SEC24D: variants seen among roughly 807,000 people sequenced by gnomAD.
The protein encoded by SEC24D is SEC24 homolog D, COPII component, also known as protein transport protein Sec24D.
A neutral mutation model predicts 116.9 loss-of-function variants in SEC24D; 69 were observed. That is an observed-to-expected ratio of 0.59 (90% confidence interval 0.49 to 0.72). The LOEUF is 0.72. SEC24D is among the 30% of genes least tolerant of loss of function. The pLI, the probability that SEC24D is intolerant of heterozygous loss-of-function variation, is 0.00. For synonymous variants in SEC24D, 405 were observed against 442.8 expected (o/e 0.91, Z 1.07); for missense variants, 1,131 against 1,264.1 (o/e 0.89, Z 1.60).
Position 118,747,508 on chromosome 4 carries a change from C to T in SEC24D, c.1708-2448G>A, listed in dbSNP as rs551065865. ...CTCGAACTCCCAACCTCAGGTGATC[C>T]GCCCACCTTGGCCTCCCAAAGTGCT... On this transcript the variant is annotated intron_variant, in intron 13 of 22. Coordinates refer to ENST00000280551, the MANE Select transcript of SEC24D (RefSeq NM_014822.4). Among the ~76,000 whole-genome samples, 441 of 152,134 alleles carry T rather than the reference C, an allele frequency of 2.9e-3. 1 individual carries two copies. Among genetic ancestry groups the T allele is most frequent in the African/African-American group, 6.6e-3 (276 of 41,518 alleles).
intron 6 of SEC24D, among the ~76,000 whole-genome samples, chr4:118,808,311 A>G (rs1729760291): frequency 6.6e-6 from 1 of 152,188 alleles, no homozygotes; most frequent in African/African-American, 2.4e-5. Flanking sequence ...TCAACCAACA[A>G]AGAGTCAAAT....
chr4:118,741,368 T>G (rs1726215159), intron 15 of SEC24D, among the ~76,000 whole-genome samples: 1 of 152,152 alleles, frequency 6.6e-6, no homozygotes, highest in Admixed American at 6.5e-5. Flanking sequence ...ACCCAATGTA[T>G]AATACCCGTT....
rs1411265754 is a variant in SEC24D at position 118,833,626 on chromosome 4, G to T, written c.71C>A (p.Pro24His). 1.2e-6 allele frequency: 2 copies of T among 1,614,060 alleles called. No homozygotes were observed. Among genetic ancestry groups the T allele is most frequent in the African/African-American group, 2.7e-5 (2 of 75,052 alleles). Residue 24 changes from proline to histidine, a missense_variant, in exon 2 of 23, where the codon CCT becomes CAT. Coordinates refer to ENST00000280551, the MANE Select transcript of SEC24D (RefSeq NM_014822.4). ...QPQPGIGLSP[P>H]HYGHYGDPSH... ...CGGATCCCCATAGTGCCCATAATGA[G>T]GTGGAGAAAGGCCTATTCCAGGCTG...
At chr4:118,802,266 A>G (rs1203377894) in intron 7 of SEC24D, among the ~76,000 whole-genome samples, 4 of 152,222 alleles carry the variant, frequency 2.6e-5, no homozygotes, top group Non-Finnish European at 5.9e-5. Context: ...CCAAAGGCAA[A>G]GGAATAATAT....
chr4:118,731,341 G>A lies in SEC24D; in HGVS notation c.2843C>T (p.Ser948Phe). ...CATATCTGTGTTGATATGTGCAAAA[G>A]ATGGCACATTAAATATTCCTTGGAT... ...ELIQGIFNVP[S>F]FAHINTDMTL... The change falls in exon 21 of 23, where the codon TCT (serine) becomes TTT (phenylalanine). Residue 948 changes from serine to phenylalanine, a missense_variant. Coordinates refer to ENST00000280551, the MANE Select transcript of SEC24D (RefSeq NM_014822.4). The A allele has an allele frequency of 6.2e-7, 1 of 1,613,648 alleles. No individual in the cohort carries two copies. Among genetic ancestry groups the A allele is most frequent in the Non-Finnish European group, 8.5e-7 (1 of 1,179,598 alleles).
At position 118,795,830 on chromosome 4, in the gene SEC24D, T is replaced by C. The variant is rs555428335; in HGVS notation, c.1041+1853A>G. ...TTTCTGGGGTGGCAATTATGTTCTA[T>C]GTTTTGATAGGTGTCTCGGCTACAT... On this transcript the variant is annotated intron_variant, in intron 8 of 22. Coordinates refer to ENST00000280551, the MANE Select transcript of SEC24D (RefSeq NM_014822.4). Among the ~76,000 whole-genome samples, 5 of 152,350 alleles carry C rather than the reference T, an allele frequency of 3.3e-5. No homozygotes were observed. In the East Asian group the frequency reaches 9.6e-4, roughly 29 times the overall value.
intron 2 of SEC24D, among the ~76,000 whole-genome samples, chr4:118,829,744 G>A (rs533829914): frequency 2.6e-5 from 4 of 152,144 alleles, no homozygotes; most frequent in East Asian, 1.9e-4. Flanking sequence ...CCTGGGAGGC[G>A]GAGGTTGCAG....
At chr4:118,784,747 C>CT (rs909062461) in intron 8 of SEC24D, among the ~76,000 whole-genome samples, 1 of 151,594 alleles carries the variant, frequency 6.6e-6, no homozygotes, top group African/African-American at 2.4e-5. Context: ...CTGCCCCCCC[C>CT]CCCGCCACCA....
At chr4:118,745,553 C>T (rs1276911769) in intron 13 of SEC24D, among the ~76,000 whole-genome samples, 3 of 151,978 alleles carry the variant, frequency 2.0e-5, no homozygotes, top group Non-Finnish European at 4.4e-5. Flanking sequence ...GGTGGTGTGG[C>T]AACAGTAGAC....
intron 17 of SEC24D, among the ~76,000 whole-genome samples, chr4:118,740,342 T>C (rs191998903): frequency 3.2e-4 from 48 of 152,316 alleles, no homozygotes; most frequent in Middle Eastern, 6.8e-3. Context: ...AATATTCATA[T>C]GGTAGATGTG....
intron 7 of SEC24D, among the ~76,000 whole-genome samples, chr4:118,799,181 G>A (rs763405539): frequency 2.6e-5 from 4 of 152,198 alleles, no homozygotes; most frequent in Non-Finnish European, 5.9e-5. Context: ...TATTTCAAAG[G>A]TACAGTGACT....
chr4:118,725,372 T>C (rs1168438071), intron 22 of SEC24D, among the ~76,000 whole-genome samples: 1 of 152,192 alleles, frequency 6.6e-6, no homozygotes, highest in Admixed American at 6.5e-5. Flanking sequence ...AGGATTCTTT[T>C]CATTTTATGT....
chr4:118,782,220 G>T (rs1265495025), intron 8 of SEC24D, among the ~76,000 whole-genome samples: 4 of 152,174 alleles, frequency 2.6e-5, no homozygotes, highest in African/African-American at 9.7e-5. Context: ...CATCTTTGTG[G>T]TTTTATCTAC....
At position 118,723,649 on chromosome 4, in the gene SEC24D, T is replaced by C. The variant is rs1725258764; in HGVS notation, c.2965A>G (p.Ile989Val). The C allele has an allele frequency of 6.2e-7, 1 of 1,603,022 alleles. No individual in the cohort carries two copies. Among genetic ancestry groups the C allele is most frequent in the African/African-American group, 1.4e-5 (1 of 74,000 alleles). The change falls in exon 23 of 23, where the codon ATT (isoleucine) becomes GTT (valine). Residue 989 changes from isoleucine (I) to valine (V), a missense_variant. By Grantham distance (29) the Ile-to-Val change is conservative. Transcript: ENST00000280551. ...TCTGGTTGTTCTCGCTGCTTTACAA[T>C]TGTGAGCTAGGAAAAAAAAAACAAA... The part of the protein sequence containing the change: ...QKRPYSMKLT[I>V]VKQREQPEMV...
intron 11 of SEC24D, among the ~76,000 whole-genome samples, chr4:118,755,287 A>T (rs1226473236): frequency 6.6e-6 from 1 of 152,074 alleles, no homozygotes; most frequent in Non-Finnish European, 1.5e-5. Flanking sequence ...CATAAAGACT[A>T]ATACATTGAT....
At chr4:118,724,720 A>C (rs1725320887) in intron 22 of SEC24D, among the ~76,000 whole-genome samples, 1 of 152,124 alleles carries the variant, frequency 6.6e-6, no homozygotes, top group Admixed American at 6.5e-5. Flanking sequence ...TTCTTTCTAC[A>C]CCTGTATTCC....
rs955291057 is a variant in SEC24D, at chr4:118,728,911, T to C, written c.2869-261A>G. 2.8e-5 allele frequency: 10 copies of C among 353,506 alleles called. No individual in the cohort carries two copies. The South Asian group carries it at 3.8e-4, about 13-fold the overall frequency. The allele number at this position is 353,506 out of a possible 1,614,324, so 21.9% of individuals were successfully genotyped here. On this transcript the variant is annotated intron_variant, in intron 21 of 22. Coordinates refer to ENST00000280551, the MANE Select transcript of SEC24D (RefSeq NM_014822.4). ...TGACACATGTACATCACTGAAATGA[T>C]ACAGCACAGACGTAGTCAGCCCTCT...
chr4:118,801,681 T>C (rs1729452468), intron 7 of SEC24D, among the ~76,000 whole-genome samples: 1 of 152,236 alleles, frequency 6.6e-6, no homozygotes, highest in African/African-American at 2.4e-5. Context: ...AGCTGGATAT[T>C]TGTTACCTTT....
chr4:118,731,503 G>A lies in SEC24D; in HGVS notation c.2681C>T (p.Thr894Met), dbSNP rs149063473. ...FFYPQLLPIH[T>M]LDVKSTMLPA... ...TAACATTGTACTCTTGACATCTAACGTGTGCTGGGCAGGCACAGACAAAAG... is the reference window on the plus strand; with the variant it reads ...TAACATTGTACTCTTGACATCTAACATGTGCTGGGCAGGCACAGACAAAAG... Residue 894 changes from threonine to methionine, a missense_variant, in exon 21 of 23, where the codon ACG (threonine) becomes ATG (methionine). Coordinates refer to ENST00000280551, the MANE Select transcript of SEC24D (RefSeq NM_014822.4). 1.9e-4 allele frequency: 304 copies of A among 1,613,824 alleles called. 1 individual carries two copies. In the African/African-American group the frequency reaches 3.6e-3, roughly 19 times the overall value.
Sources: allele counts gnomAD v4.1 joint callset (sites outside exome capture counted in the v4.1 genomes callset), GRCh38; gene constraint gnomAD v4.1.1; transcripts MANE v1.5; gene names NCBI Gene and HGNC (gene_info 2026-07-23, HGNC 2026-07-21).